Variants in FHOD3 observed in about 807,000 individuals in gnomAD.
FHOD3 encodes the protein formin homology 2 domain containing 3, also known as FH1/FH2 domain-containing protein 3.
A neutral mutation model predicts 173.0 loss-of-function variants in FHOD3; 90 were observed. That is an observed-to-expected ratio of 0.52 (90% CI 0.44 to 0.62). The LOEUF is 0.62. Among genes scored for constraint, FHOD3 ranks in the 20% least tolerant of loss-of-function variants. The probability of loss-of-function intolerance (pLI) is 0.00; values close to 1 mark genes in which losing one functional copy is unlikely to be tolerated. For synonymous variants in FHOD3, 828 were observed against 823.0 expected, an observed-to-expected ratio of 1.01 and a Z score of -0.10; for missense variants, 1,945 against 2,034.7, an observed-to-expected ratio of 0.96 and a Z score of 0.85.
rs185608077 is a variant in FHOD3 at position 36,548,577 on chromosome 18, C to T, written c.512-27874C>T. Among the ~76,000 whole-genome samples the T allele has an allele frequency of 3.7e-3, 561 of 152,340 alleles. 2 individuals carry two copies. The highest frequency in any genetic ancestry group is 6.0e-3 in the Non-Finnish European group (405 of 68,026). On this transcript the variant is annotated intron_variant, in intron 5 of 28. Transcript: ENST00000590592. ...AAGTCTGCTTCAACGACTTGGGATT[C>T]TCTTTTATCCCAATGCCACCCATCC...
Position 36,661,833 on chromosome 18 carries a change from A to G in FHOD3, c.1835+3645A>G, listed in dbSNP as rs1007322160. ...CATATCTCCTATTATAGCTTTGTTAATAGGGCTCTCTTTTAGAAATAGAGT... is the reference window on the plus strand; with the variant it reads ...CATATCTCCTATTATAGCTTTGTTAGTAGGGCTCTCTTTTAGAAATAGAGT... On this transcript the variant is annotated intron_variant, in intron 14 of 28. Coordinates refer to ENST00000590592, the MANE Select transcript of FHOD3 (RefSeq NM_001281740.3). Among the ~76,000 whole-genome samples, 3 of 152,218 alleles carry G rather than the reference A, an allele frequency of 2.0e-5. No homozygotes were observed. The East Asian group carries it at 5.8e-4, about 29-fold the overall frequency.
intron 17 of FHOD3, among the ~76,000 whole-genome samples, chr18:36,702,947 C>G (rs1387216127): frequency 6.6e-6 from 1 of 152,220 alleles, no homozygotes; most frequent in Non-Finnish European, 1.5e-5. Flanking sequence ...TCCAGCCAAT[C>G]CAGGTTCAAA....
intron 28 of FHOD3, among the ~76,000 whole-genome samples, chr18:36,773,277 T>G (rs2043474704): frequency 6.6e-6 from 1 of 152,210 alleles, no homozygotes; most frequent in Non-Finnish European, 1.5e-5. Context: ...AGTGTCCGCC[T>G]GAGTGCCAGG....
chr18:36,658,044 TC>T (rs770176880), intron 13 of FHOD3, 30 bp from the exon 14 acceptor site: 92 of 1,483,904 alleles, frequency 6.2e-5, no homozygotes, highest in Admixed American at 2.6e-4. Flanking sequence ...TCTATCCTTT[TC>T]CCCCCAACTT....
At position 36,716,196 on chromosome 18, in the gene FHOD3, C is replaced by T. The variant is rs976079370; in HGVS notation, c.2534-1636C>T. 7.9e-5 allele frequency among the ~76,000 whole-genome samples: 12 copies of T among 151,934 alleles called. No homozygotes were observed. The South Asian group carries it at 1.0e-3, about 13-fold the overall frequency. On this transcript the variant is annotated intron_variant, in intron 18 of 28. Coordinates refer to ENST00000590592, the MANE Select transcript of FHOD3 (RefSeq NM_001281740.3). The stretch of plus-strand genomic sequence containing the variant: ...AAGAACTGGCTGTCAAGGGACATGA[C>T]TAGAAGCAGAGAGTCCAGTGGGGAC...
At chr18:36,649,741 T>C (rs1371184540) in intron 11 of FHOD3, among the ~76,000 whole-genome samples, 1 of 152,220 alleles carries the variant, frequency 6.6e-6, no homozygotes, top group Non-Finnish European at 1.5e-5. Context: ...CCTAAGAAGA[T>C]TCTTGCCCTT....
Position 36,625,702 on chromosome 18 carries a change from G to A in FHOD3, c.1149G>A (p.Gln383=). The change falls in exon 10 of 29, where the codon CAG becomes CAA. Residue 383 remains glutamine, a synonymous_variant. Transcript: ENST00000590592. The part of the protein sequence containing the change: ...TLSAPTSPCS[Q]SAPSFKPNQV... Reference sequence around the variant, plus strand: ...CGGCCCCCACCAGTCCCTGCTCCCAGTCAGCTCCCAGCTTCAAGCCCAACC... The same window carrying A: ...CGGCCCCCACCAGTCCCTGCTCCCAATCAGCTCCCAGCTTCAAGCCCAACC... 1.2e-6 allele frequency: 2 copies of A among 1,610,362 alleles called. No individual in the cohort carries two copies. The highest frequency in any genetic ancestry group is 1.7e-6 in the Non-Finnish European group (2 of 1,177,864).
At chr18:36,759,880 C>A (rs2042795466) in intron 26 of FHOD3, among the ~76,000 whole-genome samples, 1 of 152,210 alleles carries the variant, frequency 6.6e-6, no homozygotes, top group Non-Finnish European at 1.5e-5. Flanking sequence ...AGGTGTTCGG[C>A]ATTGTGTACG....
chr18:36,440,065 C>A (rs2051047365), intron 3 of FHOD3, among the ~76,000 whole-genome samples: 1 of 152,146 alleles, frequency 6.6e-6, no homozygotes, highest in African/African-American at 2.4e-5. Context: ...TAACCTCCAC[C>A]ATCTTAGTGA....
chr18:36,601,325 T>C (rs1451661752), intron 7 of FHOD3, among the ~76,000 whole-genome samples: 1 of 152,182 alleles, frequency 6.6e-6, no homozygotes, highest in African/African-American at 2.4e-5. Flanking sequence ...GCCTTTTACG[T>C]CTTGTAGTAA....
chr18:36,378,615 AGAG>A (rs1355147443), intron 3 of FHOD3, among the ~76,000 whole-genome samples: 4 of 143,618 alleles, frequency 2.8e-5, no homozygotes, highest in African/African-American at 5.1e-5. Flanking sequence ...AAAAAAAAAA[AGAG>A]AGATGGGAAG....
chr18:36,742,323 G>A (rs1214840122), intron 21 of FHOD3, among the ~76,000 whole-genome samples: 1 of 152,154 alleles, frequency 6.6e-6, no homozygotes. Context: ...GAGGAGGCCT[G>A]GGGCAGTTCA....
intron 3 of FHOD3, among the ~76,000 whole-genome samples, chr18:36,373,538 G>A (rs1412058668): frequency 6.6e-6 from 1 of 152,206 alleles, no homozygotes; most frequent in East Asian, 1.9e-4. Context: ...GGGAGACCCA[G>A]GGCTGGAGAT....
At chr18:36,487,092 A>C (rs1389207246) in intron 3 of FHOD3, among the ~76,000 whole-genome samples, 1 of 152,182 alleles carries the variant, frequency 6.6e-6, no homozygotes, top group African/African-American at 2.4e-5. Flanking sequence ...AATCATTCTG[A>C]GTAAAGCTTC....
In FHOD3 at chr18:36,658,157, G is replaced by A. The variant is rs544989871; in HGVS notation, c.1804G>A (p.Val602Ile). The A allele has an allele frequency of 1.4e-5, 23 of 1,588,248 alleles. No individual in the cohort carries two copies. The highest frequency in any genetic ancestry group is 9.1e-5 in the South Asian group (8 of 88,020). Residue 602 changes from valine (V) to isoleucine (I), a missense_variant, in exon 14 of 29, where the codon GTC (valine) becomes ATC (isoleucine). By Grantham distance (29) the Val-to-Ile change is conservative. Coordinates refer to ENST00000590592, the MANE Select transcript of FHOD3 (RefSeq NM_001281740.3). Reference protein sequence around the residue: ...SSVPTTPTSSVSPPQEARLER... With the variant: ...SSVPTTPTSSISPPQEARLER... The stretch of plus-strand genomic sequence containing the variant: ...TGTGCCCACCACCCCCACATCATCC[G>A]TCTCACCCCCACAGGAGGCCAGGTT...
chr18:36,529,914 C>G lies in FHOD3; in HGVS notation c.511+17371C>G, dbSNP rs2056708298. Among the ~76,000 whole-genome samples the G allele has an allele frequency of 2.0e-5, 3 of 152,172 alleles. No homozygotes were observed. In the South Asian group the frequency reaches 6.2e-4, roughly 32 times the overall value. On this transcript the variant is annotated intron_variant, in intron 5 of 28. Transcript: ENST00000590592. Reference sequence around the variant, plus strand: ...CGAAAGTCAGATCTCTGACAAGGTTCCCTGCCGGGCTTGGTAGCGACAGGC... The same window carrying G: ...CGAAAGTCAGATCTCTGACAAGGTTGCCTGCCGGGCTTGGTAGCGACAGGC...
chr18:36,562,426 A>G (rs1467912949), intron 5 of FHOD3, among the ~76,000 whole-genome samples: 4 of 152,234 alleles, frequency 2.6e-5, no homozygotes, highest in African/African-American at 9.6e-5. Flanking sequence ...GTTTAAAAAC[A>G]TTATTTACTA....
chr18:36,576,142 G>C (rs923289849), intron 5 of FHOD3, among the ~76,000 whole-genome samples: 1 of 152,142 alleles, frequency 6.6e-6, no homozygotes, highest in Non-Finnish European at 1.5e-5. Flanking sequence ...TCCTGTCTGG[G>C]ACTACACACA....
chr18:36,564,232 C>T (rs2058188405), intron 5 of FHOD3, among the ~76,000 whole-genome samples: 1 of 152,172 alleles, frequency 6.6e-6, no homozygotes, highest in African/African-American at 2.4e-5. Flanking sequence ...ACTGGTATTT[C>T]ATTGGATGTA....
Sources: allele counts gnomAD v4.1 joint callset (sites outside exome capture counted in the v4.1 genomes callset), GRCh38; gene constraint gnomAD v4.1.1; transcripts MANE v1.5; gene names NCBI Gene and HGNC (gene_info 2026-07-23, HGNC 2026-07-21).